Variants in MRRF observed in about 807,000 individuals in gnomAD.
MRRF encodes the protein ribosome-recycling factor, mitochondrial.
A neutral mutation model predicts 25.1 loss-of-function variants in MRRF; 18 were observed. The observed-to-expected ratio is 0.72, with a 90% confidence interval of 0.50 to 1.06. MRRF has a LOEUF of 1.06. MRRF is among the 50% of genes least tolerant of loss of function. The probability of loss-of-function intolerance (pLI) is 0.00; values close to 1 mark genes in which losing one functional copy is unlikely to be tolerated. For missense variants in MRRF, 323 were observed against 319.3 expected (o/e 1.01, Z -0.09); for synonymous variants, 113 against 112.1 (o/e 1.01, Z -0.05).
At chr9:122,290,748 T>A (rs1019757670) in intron 4 of MRRF, among the ~76,000 whole-genome samples, 1 of 152,170 alleles carries the variant, frequency 6.6e-6, no homozygotes, top group African/African-American at 2.4e-5. Context: ...GTCATGCCAA[T>A]GAAAGGATCT....
At chr9:122,267,069 C>CAA (rs755642170) in intron 1 of MRRF, among the ~76,000 whole-genome samples, 32 of 77,474 alleles carry the variant, frequency 4.1e-4, no homozygotes, top group South Asian at 1.6e-3. Context: ...GACTCCGTCT[C>CAA]AAAAAAAAAA....
intron 5 of MRRF, among the ~76,000 whole-genome samples, chr9:122,312,643 C>G (rs370499535): frequency 6.6e-6 from 1 of 152,260 alleles, no homozygotes; most frequent in South Asian, 2.1e-4. Context: ...TTGTGACAGG[C>G]CAGCTTGGGT....
intron 5 of MRRF, among the ~76,000 whole-genome samples, chr9:122,310,139 A>G (rs192476151): frequency 1.4e-3 from 217 of 152,296 alleles, no homozygotes; most frequent in African/African-American, 4.7e-3. Context: ...GTTTGTTTTT[A>G]ATTTCTGTTT....
chr9:122,291,330 A>G (rs1363054692), intron 4 of MRRF, among the ~76,000 whole-genome samples: 1 of 152,208 alleles, frequency 6.6e-6, no homozygotes, highest in Non-Finnish European at 1.5e-5. Flanking sequence ...ACTCATTCCA[A>G]ATCGGCACTG....
At chr9:122,303,948 T>C (rs559333370) in intron 5 of MRRF, among the ~76,000 whole-genome samples, 10 of 152,212 alleles carry the variant, frequency 6.6e-5, no homozygotes, top group African/African-American at 2.4e-4. Flanking sequence ...GTAGTGTCTA[T>C]AGTTTGTACA....
At chr9:122,286,063 A>T in intron 4 of MRRF, 1 of 1,288,950 alleles carries the variant, frequency 7.8e-7, no homozygotes, top group Middle Eastern at 2.1e-4. Flanking sequence ...TAGGAGTCTT[A>T]GAGTACCTGG....
intron 1 of MRRF, among the ~76,000 whole-genome samples, chr9:122,266,961 T>C (rs750086520): frequency 2.6e-5 from 4 of 151,512 alleles, no homozygotes; most frequent in Non-Finnish European, 5.9e-5. Flanking sequence ...TCCCAGCTAT[T>C]TGGGAGGTTG....
At chr9:122,299,952 C>A (rs1390220315) in intron 5 of MRRF, among the ~76,000 whole-genome samples, 13 of 152,012 alleles carry the variant, frequency 8.6e-5, no homozygotes, top group Non-Finnish European at 1.8e-4. Flanking sequence ...CAGCTTGGGT[C>A]TTCTGAGAAG....
intron 4 of MRRF, among the ~76,000 whole-genome samples, chr9:122,288,267 C>A (rs1458406437): frequency 1.3e-5 from 2 of 152,196 alleles, no homozygotes; most frequent in Non-Finnish European, 2.9e-5. Flanking sequence ...AAACCACGCA[C>A]AACTCTGCAG....
At chr9:122,280,360 A>G (rs1457552974) in intron 2 of MRRF, 83 bp from the exon 3 acceptor site, 3 of 1,433,276 alleles carry the variant, frequency 2.1e-6, no homozygotes, top group African/African-American at 1.4e-5. Context: ...TTTTCCCTGT[A>G]CATAGTAGGT....
At position 122,277,310 on chromosome 9, in the gene MRRF, TTTTG is replaced by T. The variant is rs1282468149; in HGVS notation, c.185-3128_185-3125del. On this transcript the variant is annotated intron_variant, in intron 2 of 6. Coordinates refer to ENST00000344641, the MANE Select transcript of MRRF (RefSeq NM_138777.5). ...ATAGTGAATTTTGTCTTAAAATCTTTTTTGTTTGATGATAATGTAGCTACACCAG... is the reference window on the plus strand; with the variant it reads ...ATAGTGAATTTTGTCTTAAAATCTTTTTTGATGATAATGTAGCTACACCAG... Among the ~76,000 whole-genome samples the T allele has an allele frequency of 3.6e-4, 55 of 152,336 alleles. 1 individual carries two copies. The highest frequency in any genetic ancestry group is 1.3e-3 in the African/African-American group (53 of 41,576).
rs1240895825 is a variant in MRRF, at chr9:122,329,147, G to A, written c.*6530G>A. 6.6e-6 allele frequency: 1 copy of A among 152,118 alleles called. No individual in the cohort carries two copies. The highest frequency in any genetic ancestry group is 1.9e-4 in the East Asian group (1 of 5,190). The allele number at this position is 152,118 out of a possible 1,614,324, so 9.4% of individuals were successfully genotyped here. A position where few individuals can be genotyped will look rare whatever the true frequency, so the allele number is the denominator to read the frequency against. Reference sequence around the variant, plus strand: ...TGGCATTCAGTAACTTCTGCAATCTGGGCCTGATGTATTCCTTTAATTGTG... The same window carrying A: ...TGGCATTCAGTAACTTCTGCAATCTAGGCCTGATGTATTCCTTTAATTGTG... On this transcript the variant is annotated 3_prime_UTR_variant, in exon 7 of 7. Coordinates refer to ENST00000344641, the MANE Select transcript of MRRF (RefSeq NM_138777.5).
At chr9:122,290,059 AAAAAAAG>A (rs932842112) in intron 4 of MRRF, among the ~76,000 whole-genome samples, 2 of 152,036 alleles carry the variant, frequency 1.3e-5, no homozygotes, top group Non-Finnish European at 2.9e-5. Context: ...GTCTCAAAAA[AAAAAAAG>A]AAAAAAGAAA....
chr9:122,274,862 G>T (rs527315915), intron 2 of MRRF, among the ~76,000 whole-genome samples: 1 of 151,242 alleles, frequency 6.6e-6, no homozygotes, highest in Non-Finnish European at 1.5e-5. Flanking sequence ...TTAATTTTTT[G>T]ATCTCTCTTT....
Position 122,308,699 on chromosome 9 carries a change from C to CAA in MRRF, c.552-4506_552-4505dup, listed in dbSNP as rs776774424. Among the ~76,000 whole-genome samples the CAA allele has an allele frequency of 2.0e-3, 122 of 59,800 alleles. 2 individuals carry two copies. Among genetic ancestry groups the CAA allele is most frequent in the African/African-American group, 6.3e-3 (95 of 15,110 alleles). The allele number at this position is 59,800 out of a possible 152,430, so 39.2% of individuals were successfully genotyped here. ...GGGTGACAGAGCAAGACTCCATCTCCAAAAAAAAAAAAAAAAAAAAAAAGA... is the reference window on the plus strand; with the variant it reads ...GGGTGACAGAGCAAGACTCCATCTCCAAAAAAAAAAAAAAAAAAAAAAAAAGA... On this transcript the variant is annotated intron_variant, in intron 5 of 6. Transcript: ENST00000344641.
chr9:122,282,424 C>T (rs1157731349), intron 3 of MRRF, among the ~76,000 whole-genome samples: 1 of 152,172 alleles, frequency 6.6e-6, no homozygotes, highest in Non-Finnish European at 1.5e-5. Context: ...AATATATTGT[C>T]CCCACCTTCC....
intron 2 of MRRF, among the ~76,000 whole-genome samples, chr9:122,272,313 A>C (rs1832510527): frequency 6.6e-6 from 1 of 152,214 alleles, no homozygotes; most frequent in Admixed American, 6.5e-5. Flanking sequence ...ACAGTGCATA[A>C]GCAGCATTTT....
rs140232279 is a variant in MRRF, at chr9:122,320,725, G to A, written c.712-1815G>A. On this transcript the variant is annotated intron_variant, in intron 6 of 6. Coordinates refer to ENST00000344641, the MANE Select transcript of MRRF (RefSeq NM_138777.5). ...AGAGCCTGGCCACCTCCCTGCCTGG[G>A]ACCAATTGCACTAAATCCTTTTTAG... Among the ~76,000 whole-genome samples the A allele has an allele frequency of 9.1e-3, 1,393 of 152,334 alleles. 8 individuals carry two copies. The highest frequency in any genetic ancestry group is 0.015 in the Non-Finnish European group (1,026 of 68,028).
chr9:122,314,583 C>G (rs759167676), intron 6 of MRRF, among the ~76,000 whole-genome samples: 37 of 152,194 alleles, frequency 2.4e-4, no homozygotes, highest in Admixed American at 4.6e-4. Context: ...GTCAATGAAT[C>G]TGGGACAGAG....
Sources: gnomAD v4.1 joint callset for allele counts (sites outside exome capture counted in the v4.1 genomes callset) on GRCh38, gnomAD v4.1.1 for gene constraint, MANE v1.5 for transcripts, NCBI Gene and HGNC (gene_info 2026-07-23, HGNC 2026-07-21) for gene names.